The following LURAP1L variants were observed in gnomAD, a reference collection of about 807,000 sequenced individuals.
LURAP1L encodes leucine rich adaptor protein 1 like.
In LURAP1L, 12 loss-of-function variants were observed where a neutral mutation model predicts 13.8. The ratio of observed to expected loss-of-function variants is 0.87; its 90% confidence interval spans 0.56 to 1.41. LURAP1L has a LOEUF of 1.41. LURAP1L is among the 40% of genes most tolerant of loss of function. The pLI is 0.00. For synonymous variants in LURAP1L, 139 were observed against 119.2 expected, an observed-to-expected ratio of 1.17 and a Z score of -1.08; for missense variants, 375 against 292.9, an observed-to-expected ratio of 1.28 and a Z score of -2.04.
intron 1 of LURAP1L, among the ~76,000 whole-genome samples, chr9:12,812,725 C>G (rs146318903): frequency 1.1e-3 from 169 of 152,262 alleles, no homozygotes; most frequent in Middle Eastern, 3.4e-3. Flanking sequence ...AGTCCTATCT[C>G]CTCAACAATC....
intron 1 of LURAP1L, among the ~76,000 whole-genome samples, chr9:12,780,063 C>A (rs977584635): frequency 5.3e-5 from 8 of 152,176 alleles, no homozygotes; most frequent in Admixed American, 3.3e-4. Flanking sequence ...CAATAATATT[C>A]ATGATGTAGG....
At chr9:12,788,923 C>A (rs1211094529) in intron 1 of LURAP1L, among the ~76,000 whole-genome samples, 3 of 150,110 alleles carry the variant, frequency 2.0e-5, no homozygotes, top group Non-Finnish European at 3.0e-5. Flanking sequence ...TTTTAATAAG[C>A]TGAGTGCAGT....
At chr9:12,817,670 G>A (rs531796522) in intron 1 of LURAP1L, among the ~76,000 whole-genome samples, 53 of 152,180 alleles carry the variant, frequency 3.5e-4, no homozygotes, top group Non-Finnish European at 7.1e-4. Context: ...TCCAACAGAA[G>A]GAACCACACA....
intron 1 of LURAP1L, among the ~76,000 whole-genome samples, chr9:12,819,419 C>T (rs1214867329): frequency 6.6e-6 from 1 of 152,168 alleles, no homozygotes; most frequent in Non-Finnish European, 1.5e-5. Flanking sequence ...TTCCCTCAAT[C>T]CAAAGTTCCT....
At chr9:12,800,227 G>C (rs941941701) in intron 1 of LURAP1L, among the ~76,000 whole-genome samples, 3 of 152,178 alleles carry the variant, frequency 2.0e-5, no homozygotes, top group African/African-American at 7.2e-5. Flanking sequence ...GCACTGTCTA[G>C]TGAAGCTTTA....
intron 1 of LURAP1L, among the ~76,000 whole-genome samples, chr9:12,809,870 C>G (rs888045355): frequency 6.6e-6 from 1 of 152,144 alleles, no homozygotes; most frequent in African/African-American, 2.4e-5. Context: ...TTTCCTTTGG[C>G]ACTCTTTAAA....
intron 1 of LURAP1L, among the ~76,000 whole-genome samples, chr9:12,789,026 C>T (rs1003467858): frequency 2.0e-5 from 3 of 150,914 alleles, no homozygotes; most frequent in Non-Finnish European, 4.4e-5. Flanking sequence ...ATGATTGCAC[C>T]ACTGCATTCC....
intron 1 of LURAP1L, among the ~76,000 whole-genome samples, chr9:12,803,062 T>A (rs1342094731): frequency 6.6e-6 from 1 of 152,214 alleles, no homozygotes; most frequent in Non-Finnish European, 1.5e-5. Context: ...GTTCTTCCTC[T>A]CTCATCGATT....
At chr9:12,800,265 G>C (rs142967914) in intron 1 of LURAP1L, among the ~76,000 whole-genome samples, 1,698 of 152,214 alleles carry the variant, frequency 0.011, 30 homozygotes, top group Non-Finnish European at 0.012. Flanking sequence ...ATCTTATTCA[G>C]TTTTCCCAAC....
intron 1 of LURAP1L, among the ~76,000 whole-genome samples, chr9:12,803,482 A>T (rs1451885040): frequency 6.6e-6 from 1 of 152,256 alleles, no homozygotes; most frequent in African/African-American, 2.4e-5. Context: ...GTCACAGGAC[A>T]TCATAGGTGT....
At chr9:12,806,679 T>C (rs954148250) in intron 1 of LURAP1L, among the ~76,000 whole-genome samples, 7 of 152,164 alleles carry the variant, frequency 4.6e-5, no homozygotes, top group Admixed American at 2.6e-4. Context: ...TTTGAAAATT[T>C]TGAAAATTTT....
At chr9:12,785,659 C>T (rs1819339970) in intron 1 of LURAP1L, among the ~76,000 whole-genome samples, 1 of 152,166 alleles carries the variant, frequency 6.6e-6, no homozygotes, top group Non-Finnish European at 1.5e-5. Flanking sequence ...AGTTCCAATG[C>T]AAAGTCCCAT....
chr9:12,803,529 T>C (rs114315697), intron 1 of LURAP1L, among the ~76,000 whole-genome samples: 145 of 152,350 alleles, frequency 9.5e-4, no homozygotes, highest in African/African-American at 3.4e-3. Context: ...CTGTTTTAAA[T>C]ATCTTTTTAA....
intron 1 of LURAP1L, among the ~76,000 whole-genome samples, chr9:12,815,118 C>T (rs935647642): frequency 2.6e-5 from 4 of 152,084 alleles, no homozygotes; most frequent in African/African-American, 9.7e-5. Context: ...TCTGAGAAAA[C>T]AGAGGAGTGA....
chr9:12,775,522 C>A lies in LURAP1L; in HGVS notation c.-194C>A, dbSNP rs542083264. ...CGCAGCGGACTGGGAACTGCAGCTG[C>A]GACCCCCCGCGTCCTGTGCGGATTT... On this transcript the variant is annotated 5_prime_UTR_variant, in exon 1 of 2. Coordinates refer to ENST00000319264, the MANE Select transcript of LURAP1L (RefSeq NM_203403.2). The A allele has an allele frequency of 4.6e-5, 35 of 763,116 alleles. No individual in the cohort carries two copies. The African/African-American group carries it at 6.2e-4, about 14-fold the overall frequency. The allele number at this position is 763,116 out of a possible 1,614,324, so 47.3% of individuals were successfully genotyped here.
At chr9:12,796,953 A>C (rs1819519081) in intron 1 of LURAP1L, among the ~76,000 whole-genome samples, 1 of 151,958 alleles carries the variant, frequency 6.6e-6, no homozygotes, top group Admixed American at 6.6e-5. Context: ...AAGTATTTAA[A>C]GTACCTGTCA....
At chr9:12,790,263 A>C (rs12377159) in intron 1 of LURAP1L, among the ~76,000 whole-genome samples, 86,454 of 151,928 alleles carry the variant, frequency 0.57, 24,713 homozygotes, top group African/African-American at 0.62. Context: ...ATTGCTCACT[A>C]TCTTTTTCTC....
intron 1 of LURAP1L, chr9:12,777,137 TTTCTATCA>T (rs1490415942): frequency 1.5e-6 from 1 of 664,396 alleles, no homozygotes; most frequent in African/African-American, 2.0e-5. Flanking sequence ...CTGGAAATTA[TTTCTATCA>T]TTCTATCGTT....
At chr9:12,815,701 G>T (rs1240405188) in intron 1 of LURAP1L, among the ~76,000 whole-genome samples, 1 of 152,088 alleles carries the variant, frequency 6.6e-6, no homozygotes, top group African/African-American at 2.4e-5. Context: ...ATGGAGGAGG[G>T]CTTTATGAGA....
Sources: allele counts gnomAD v4.1 joint callset (sites outside exome capture counted in the v4.1 genomes callset), GRCh38; gene constraint gnomAD v4.1.1; transcripts MANE v1.5; gene names NCBI Gene and HGNC (gene_info 2026-07-23, HGNC 2026-07-21).